RGL1: variants seen among roughly 807,000 people sequenced by gnomAD.
RGL1 encodes ral guanine nucleotide dissociation stimulator-like 1.
In RGL1, 24 loss-of-function variants were observed where a neutral mutation model predicts 95.2. The observed-to-expected ratio is 0.25, with a 90% confidence interval of 0.18 to 0.35. RGL1 has a LOEUF of 0.35. Among genes scored for constraint, RGL1 ranks in the 10% least tolerant of loss-of-function variants. The pLI is 1.00. For synonymous variants in RGL1, 329 were observed against 344.9 expected (o/e 0.95, Z 0.51); for missense variants, 715 against 936.3 (o/e 0.76, Z 3.08).
In RGL1 at chr1:183,847,826, A is replaced by G. The variant is rs183852227; in HGVS notation, c.347+52A>G. ...TGAAAGAAATGTAGGCTGATTATGG[A>G]GTGGAGCACGAGGTTCTGAATCACC... On this transcript the variant is annotated intron_variant, in intron 3 of 17. Coordinates refer to ENST00000360851, the MANE Select transcript of RGL1 (RefSeq NM_001297671.3). 180 of 1,423,950 alleles carry G rather than the reference A, an allele frequency of 1.3e-4. No homozygotes were observed. The Admixed American group carries it at 3.0e-3, about 24-fold the overall frequency. The allele number at this position is 1,423,950 out of a possible 1,614,324, so 88.2% of individuals were successfully genotyped here. A position where few individuals can be genotyped will look rare whatever the true frequency, so the allele number is the denominator to read the frequency against.
At position 183,806,472 on chromosome 1, in the gene RGL1, C is replaced by G; in HGVS notation, c.125C>G (p.Ala42Gly). Residue 42 changes from alanine to glycine, a missense_variant, in exon 2 of 18, where the codon GCA (alanine) becomes GGA (glycine). Physicochemically the swap from Ala to Gly is moderately conservative, Grantham distance 60. This residue lies in a region of RGL1 where 381 missense variants were observed against 484.8 expected (regional missense o/e 0.79). Transcript: ENST00000360851. The part of the protein sequence containing the change: ...VQIQQAANKG[A>G]RWLGVEGDQL... ...ATTCAACAGGCTGCCAATAAAGGAG[C>G]AAGATGGCTAGGGGTGAGTAAAGCT... The G allele has an allele frequency of 6.2e-7, 1 of 1,612,658 alleles. No individual in the cohort carries two copies. Among genetic ancestry groups the G allele is most frequent in the Non-Finnish European group, 8.5e-7 (1 of 1,178,886 alleles).
intron 1 of RGL1, chr1:183,647,862 C>G: frequency 6.2e-7 from 1 of 1,614,100 alleles, no homozygotes. Context: ...TGGGTTTTGG[C>G]CCATATGCAT....
intron 1 of RGL1, among the ~76,000 whole-genome samples, chr1:183,673,806 C>G (rs1652641034): frequency 6.6e-6 from 1 of 152,172 alleles, no homozygotes; most frequent in Non-Finnish European, 1.5e-5. Flanking sequence ...AGATGCCTGC[C>G]TAAACCAAGT....
At chr1:183,690,810 A>C (rs948766835) in intron 1 of RGL1, among the ~76,000 whole-genome samples, 2 of 152,130 alleles carry the variant, frequency 1.3e-5, no homozygotes, top group African/African-American at 4.8e-5. Flanking sequence ...TCTACTTGTT[A>C]ATAGTTTTGC....
At chr1:183,712,695 A>G (rs1433366281) in intron 1 of RGL1, among the ~76,000 whole-genome samples, 2 of 152,226 alleles carry the variant, frequency 1.3e-5, no homozygotes, top group Non-Finnish European at 2.9e-5. Flanking sequence ...TTATGTCTTC[A>G]TTGTTGCAGA....
At chr1:183,758,154 G>A (rs1261597019) in intron 2 of RGL1, among the ~76,000 whole-genome samples, 1 of 151,814 alleles carries the variant, frequency 6.6e-6, no homozygotes, top group Non-Finnish European at 1.5e-5. Flanking sequence ...CAGTTGGACT[G>A]CCACAATGAA....
chr1:183,645,353 G>A (rs904973218), intron 1 of RGL1, among the ~76,000 whole-genome samples: 11 of 152,170 alleles, frequency 7.2e-5, no homozygotes, highest in Admixed American at 5.2e-4. Context: ...AGCATATAAA[G>A]CTAAGACCCC....
intron 1 of RGL1, among the ~76,000 whole-genome samples, chr1:183,731,871 T>C (rs934634322): frequency 1.3e-5 from 2 of 152,286 alleles, no homozygotes; most frequent in Admixed American, 1.3e-4. Context: ...CTCTTTCTTC[T>C]CATACGATTG....
At position 183,883,903 on chromosome 1, in the gene RGL1, T is replaced by G; in HGVS notation, c.728T>G (p.Met243Arg). 1 of 1,613,940 alleles carries G rather than the reference T, an allele frequency of 6.2e-7. No homozygotes were observed. The highest frequency in any genetic ancestry group is 8.5e-7 in the Non-Finnish European group (1 of 1,179,832). ...EDLVAEQLTY[M>R]DAQLFKKVVP... ...CTCGTGGCAGAGCAGCTGACCTACA[T>G]GGATGCAGTATGTCTTCTCTTTGTG... Residue 243 changes from methionine (M) to arginine (R), a missense_variant, in exon 6 of 18, where the codon ATG becomes AGG. Met to Arg is a moderately conservative substitution (Grantham distance 91). Transcript: ENST00000360851.
intron 2 of RGL1, among the ~76,000 whole-genome samples, chr1:183,807,921 T>A (rs1298314758): frequency 6.6e-6 from 1 of 152,200 alleles, no homozygotes; most frequent in Non-Finnish European, 1.5e-5. Context: ...TGGTTGTGTG[T>A]ATGTATTTTA....
intron 14 of RGL1, among the ~76,000 whole-genome samples, chr1:183,909,170 C>G (rs1668505282): frequency 6.6e-6 from 1 of 152,212 alleles, no homozygotes; most frequent in Non-Finnish European, 1.5e-5. Context: ...CATCTTATTT[C>G]TTGTACATAC....
chr1:183,745,985 A>T (rs556877682), intron 2 of RGL1, among the ~76,000 whole-genome samples: 1 of 151,162 alleles, frequency 6.6e-6, no homozygotes, highest in African/African-American at 2.4e-5. Flanking sequence ...TTGCTGTAGG[A>T]TTTTGATAAC....
At chr1:183,833,843 GT>G (rs1412349512) in intron 2 of RGL1, among the ~76,000 whole-genome samples, 3 of 152,026 alleles carry the variant, frequency 2.0e-5, no homozygotes, top group African/African-American at 7.2e-5. Flanking sequence ...TATCGATTCG[GT>G]TAATGGCCCT....
At position 183,887,845 on chromosome 1, in the gene RGL1, G is replaced by A. The variant is rs1667206780; in HGVS notation, c.952-629G>A. 3.3e-5 allele frequency among the ~76,000 whole-genome samples: 5 copies of A among 152,098 alleles called. No homozygotes were observed. The South Asian group carries it at 1.0e-3, about 32-fold the overall frequency. On this transcript the variant is annotated intron_variant, in intron 7 of 17. Transcript: ENST00000360851. ...TGCCAAAATGAATTTTATTTTAAAAGGCCGAGTTATTTTGGAAGCATTGAA... is the reference window on the plus strand; with the variant it reads ...TGCCAAAATGAATTTTATTTTAAAAAGCCGAGTTATTTTGGAAGCATTGAA...
chr1:183,806,019 A>G (rs1287531706), intron 1 of RGL1, among the ~76,000 whole-genome samples: 1 of 46,328 alleles, frequency 2.2e-5, no homozygotes, highest in East Asian at 6.7e-4. Flanking sequence ...TTTACAAAGA[A>G]TTATTTTTCC....
At chr1:183,713,909 T>C (rs910431399) in intron 1 of RGL1, among the ~76,000 whole-genome samples, 1 of 152,220 alleles carries the variant, frequency 6.6e-6, no homozygotes, top group Non-Finnish European at 1.5e-5. Context: ...AGGTGCTCAA[T>C]AAATATTTGT....
intron 9 of RGL1, among the ~76,000 whole-genome samples, chr1:183,895,038 C>G (rs1196153543): frequency 6.6e-6 from 1 of 152,124 alleles, no homozygotes; most frequent in African/African-American, 2.4e-5. Context: ...TCTCATGATT[C>G]TTGGTAAGAA....
At chr1:183,749,046 C>T (rs55753203) in intron 2 of RGL1, among the ~76,000 whole-genome samples, 3,750 of 152,194 alleles carry the variant, frequency 0.025, 70 homozygotes, top group South Asian at 0.048. Flanking sequence ...CCAATTATGT[C>T]GTCAATTTTA....
intron 1 of RGL1, among the ~76,000 whole-genome samples, chr1:183,666,263 C>G (rs556482538): frequency 6.6e-6 from 1 of 152,020 alleles, no homozygotes; most frequent in Non-Finnish European, 1.5e-5. Context: ...CCTCGGCCTC[C>G]GAAAGTGCTG....
Sources: gnomAD v4.1 joint callset for allele counts (sites outside exome capture counted in the v4.1 genomes callset) on GRCh38, gnomAD v4.1.1 for gene constraint, gnomAD v4.1.1 regional missense constraint, MANE v1.5 for transcripts, NCBI Gene and HGNC (gene_info 2026-07-23, HGNC 2026-07-21) for gene names.